The following WDR86 variants were observed in gnomAD, a reference collection of about 807,000 sequenced individuals.
The protein encoded by WDR86 is WD repeat-containing protein 86.
A neutral mutation model predicts 36.5 loss-of-function variants in WDR86; 30 were observed. The ratio of observed to expected loss-of-function variants is 0.82; its 90% confidence interval spans 0.61 to 1.11. The LOEUF is 1.11. Ranked by LOEUF, WDR86 falls within the 50% of genes most tolerant of loss-of-function variation. The pLI is 0.00. For synonymous variants in WDR86, 255 were observed against 252.9 expected (o/e 1.01, Z -0.08); for missense variants, 545 against 561.2 (o/e 0.97, Z 0.29).
intron 3 of WDR86, among the ~76,000 whole-genome samples, chr7:151,393,319 G>A (rs930763928): frequency 6.6e-6 from 1 of 152,102 alleles, no homozygotes; most frequent in African/African-American, 2.4e-5. Flanking sequence ...TGTGTGGGGT[G>A]GGAGCTGTCT....
At position 151,402,047 on chromosome 7, in the gene WDR86, C is replaced by CAAAAAAAAA. The variant is rs71198714; in HGVS notation, c.164-1815_164-1807dup. Among the ~76,000 whole-genome samples the CAAAAAAAAA allele has an allele frequency of 4.0e-4, 6 of 14,952 alleles. 1 individual carries two copies. The highest frequency in any genetic ancestry group is 9.5e-4 in the Admixed American group (1 of 1,050). 9.8% of individuals were successfully genotyped at this position (14,952 alleles called of 152,430 possible). ...TGGGTGACAGAGCAAAACTCTGCCT[C>CAAAAAAAAA]AAAAAAAAAAAAAAAAAAAAAAAAT... On this transcript the variant is annotated intron_variant, in intron 1 of 5. Coordinates refer to ENST00000334493, the MANE Select transcript of WDR86 (RefSeq NM_198285.3).
At chr7:151,375,862 T>C, downstream of WDR86, 1 of 1,610,888 alleles carries the variant, frequency 6.2e-7, no homozygotes, top group Non-Finnish European at 8.5e-7. Flanking sequence ...TGCTCAGCAA[T>C]CCTCAGATGT....
At chr7:151,391,832 C>A (rs1799460887) in intron 3 of WDR86, among the ~76,000 whole-genome samples, 1 of 149,152 alleles carries the variant, frequency 6.7e-6, no homozygotes, top group Admixed American at 6.7e-5. Flanking sequence ...AGGGGTGCGC[C>A]TCCTCCCCAG....
chr7:151,395,991 T>C lies in WDR86; in HGVS notation c.511A>G (p.Thr171Ala). 1 of 1,599,330 alleles carries C rather than the reference T, an allele frequency of 6.3e-7. No homozygotes were observed. Among genetic ancestry groups the C allele is most frequent in the Non-Finnish European group, 8.5e-7 (1 of 1,174,432 alleles). Residue 171 changes from threonine to alanine, a missense_variant, in exon 3 of 6, where the codon ACA (threonine) becomes GCA (alanine). Physicochemically the swap from Thr to Ala is moderately conservative, Grantham distance 58 (BLOSUM62 0). Coordinates refer to ENST00000334493, the MANE Select transcript of WDR86 (RefSeq NM_198285.3). ...AAGGLLVTGS[T>A]DGTAKVWQVA... is the part of the protein sequence containing the mutation. ...TGCCACACCTTGGCTGTGCCATCTG[T>C]GCTGCCGGTCACCAGAAGCCCCCCG...
intron 3 of WDR86, among the ~76,000 whole-genome samples, chr7:151,392,494 T>C (rs562165601): frequency 9.7e-4 from 148 of 152,294 alleles, no homozygotes; most frequent in Non-Finnish European, 3.1e-4. Flanking sequence ...ATGTAACCCC[T>C]GAAGCCCCCT....
chr7:151,407,693 T>A (rs1304843370), intron 1 of WDR86, among the ~76,000 whole-genome samples: 3 of 151,912 alleles, frequency 2.0e-5, no homozygotes, highest in Non-Finnish European at 4.4e-5. Flanking sequence ...ACAAAAAAAT[T>A]AGCTGGGCGT....
intron 1 of WDR86, among the ~76,000 whole-genome samples, chr7:151,403,504 C>T (rs527975069): frequency 2.6e-5 from 4 of 152,298 alleles, no homozygotes; most frequent in East Asian, 1.9e-4. Flanking sequence ...CCCCCGACCC[C>T]CTGAGTTTAA....
downstream of WDR86, among the ~76,000 whole-genome samples, chr7:151,373,139 G>A (rs1798037486): frequency 6.6e-6 from 1 of 152,198 alleles, no homozygotes; most frequent in Non-Finnish European, 1.5e-5. Flanking sequence ...GCAGGATCAG[G>A]TCTCTGGAAG....
In WDR86 at chr7:151,390,473, T is replaced by C. The variant is rs989237049; in HGVS notation, c.727-5250A>G. ...CGCCCACCTCCCATCCCTTTCCCTC[T>C]ACACTCGCCTTAAGAATCATTTCAC... On this transcript the variant is annotated intron_variant, in intron 3 of 5. Coordinates refer to ENST00000334493, the MANE Select transcript of WDR86 (RefSeq NM_198285.3). This position sits in a 1 kb window ranked among gnomAD's most constrained non-coding sequence, Gnocchi z 4.5. 6.6e-6 allele frequency among the ~76,000 whole-genome samples: 1 copy of C among 152,204 alleles called. No individual in the cohort carries two copies. Among genetic ancestry groups the C allele is most frequent in the African/African-American group, 2.4e-5 (1 of 41,444 alleles).
chr7:151,380,670 T>C (rs1798503997), downstream of WDR86, among the ~76,000 whole-genome samples: 1 of 151,954 alleles, frequency 6.6e-6, no homozygotes, highest in Non-Finnish European at 1.5e-5. Flanking sequence ...CTCGAGCCCC[T>C]GGGCACAGGG....
exon 2 of WDR86, chr7:151,375,948 G>A (rs1798202096): frequency 8.1e-6 from 13 of 1,595,350 alleles, no homozygotes; most frequent in Non-Finnish European, 1.1e-5. Flanking sequence ...GACCGAGTGA[G>A]TGACAGGCCT....
At chr7:151,410,227 C>T (rs1801117055), upstream of WDR86, among the ~76,000 whole-genome samples, 1 of 152,148 alleles carries the variant, frequency 6.6e-6, no homozygotes, top group Non-Finnish European at 1.5e-5. Context: ...TCTGCCACCT[C>T]CGCCGCCGCC....
the WDR86 span, chr7:151,369,094 G>A: frequency 4.0e-5 from 17 of 426,658 alleles, no homozygotes; most frequent in South Asian, 6.0e-4. Context: ...TGCAAGCTCC[G>A]CCTCCCGGGT....
At chr7:151,383,473 CAAA>C (rs60998418) in intron 4 of WDR86, among the ~76,000 whole-genome samples, 6,410 of 130,380 alleles carry the variant, frequency 0.049, 381 homozygotes, top group African/African-American at 0.14. Context: ...GACTCCGTCT[CAAA>C]AAAAAAAAAA....
At chr7:151,386,758 C>A (rs534533291) in intron 3 of WDR86, among the ~76,000 whole-genome samples, 1 of 152,170 alleles carries the variant, frequency 6.6e-6, no homozygotes, top group South Asian at 2.1e-4. Context: ...AGAAAGACCA[C>A]CCCTCCTGCC....
intron 4 of WDR86, 135 bp from the exon 5 acceptor site, chr7:151,382,116 G>C: frequency 1.4e-6 from 1 of 719,596 alleles, no homozygotes; most frequent in Non-Finnish European, 2.3e-6. Flanking sequence ...CATATGGGAA[G>C]TGGACAGTGC....
At chr7:151,383,172 G>T (rs1798724818) in intron 4 of WDR86, among the ~76,000 whole-genome samples, 1 of 145,212 alleles carries the variant, frequency 6.9e-6, no homozygotes, top group South Asian at 2.3e-4. Flanking sequence ...AAACGGGGCG[G>T]CGGGGTGGGG....
At chr7:151,377,056 G>A, downstream of WDR86, 2 of 1,556,950 alleles carry the variant, frequency 1.3e-6, no homozygotes, top group Non-Finnish European at 8.7e-7. Context: ...GGAACCTCTA[G>A]TGCCTCAACA....
At chr7:151,386,455 C>T (rs992415034) in intron 3 of WDR86, among the ~76,000 whole-genome samples, 3 of 152,184 alleles carry the variant, frequency 2.0e-5, no homozygotes, top group African/African-American at 7.2e-5. Context: ...GTCACCTGCC[C>T]TCTCTCAGGC....
Sources: gnomAD v4.1 joint callset for allele counts (sites outside exome capture counted in the v4.1 genomes callset) on GRCh38, gnomAD v4.1.1 for gene constraint, Gnocchi (gnomAD v3.1) non-coding constraint, MANE v1.5 for transcripts, NCBI Gene and HGNC (gene_info 2026-07-23, HGNC 2026-07-21) for gene names.